LNPEP: variants seen among roughly 807,000 people sequenced by gnomAD.
LNPEP encodes the protein leucyl and cystinyl aminopeptidase.
Under a neutral mutation model 120.6 loss-of-function variants are expected in LNPEP, and 64 were observed. The ratio of observed to expected loss-of-function variants is 0.53; its 90% confidence interval spans 0.43 to 0.65. The LOEUF is 0.65. LNPEP is among the 30% of genes least tolerant of loss of function. LNPEP has a pLI of 0.00. For missense variants in LNPEP, 1,057 were observed against 1,200.0 expected (o/e 0.88, Z 1.76); for synonymous variants, 435 against 425.4 (o/e 1.02, Z -0.28).
intron 8 of LNPEP, among the ~76,000 whole-genome samples, chr5:96,998,870 G>T (rs958788525): frequency 2.6e-5 from 4 of 152,142 alleles, no homozygotes; most frequent in Non-Finnish European, 5.9e-5. Context: ...GAAACTTTTG[G>T]GAGGTAAATG....
intron 1 of LNPEP, among the ~76,000 whole-genome samples, chr5:96,978,765 G>A (rs1790058378): frequency 6.6e-6 from 1 of 152,170 alleles, no homozygotes; most frequent in African/African-American, 2.4e-5. Context: ...TCGCCTGGTG[G>A]GGACAGACAT....
chr5:96,952,584 A>G lies in LNPEP; in HGVS notation c.19+16410A>G, dbSNP rs117892568. ...GGAGGGGAATGTTCTGGCCAGGCAT[A>G]TTTGACTGGCCACATTATCAGATGC... On this transcript the variant is annotated intron_variant, in intron 1 of 17. Coordinates refer to ENST00000231368, the MANE Select transcript of LNPEP (RefSeq NM_005575.3). Among the ~76,000 whole-genome samples the G allele has an allele frequency of 1.2e-4, 19 of 152,290 alleles. No individual in the cohort carries two copies. In the East Asian group the frequency reaches 3.7e-3, roughly 29 times the overall value.
chr5:96,986,433 G>C (rs1453102818), intron 3 of LNPEP, 106 bp from the exon 4 acceptor site: 2 of 1,107,594 alleles, frequency 1.8e-6, no homozygotes, highest in Non-Finnish European at 2.6e-6. Flanking sequence ...TAATATGCTA[G>C]CATCTTTACC....
Position 96,998,107 on chromosome 5 carries a change from C to G in LNPEP, c.1615C>G (p.Gln539Glu). ...PISSSVQSSE[Q>E]IEEMFDSLSY... is the part of the protein sequence containing the mutation. ...ATCATCATCTGTTCAGTCTTCAGAACAAATTGAAGAAATGTTTGATTCTCT... is the reference window on the plus strand; with the variant it reads ...ATCATCATCTGTTCAGTCTTCAGAAGAAATTGAAGAAATGTTTGATTCTCT... The change falls in exon 8 of 18, where the codon CAA becomes GAA. Residue 539 changes from glutamine to glutamate, a missense_variant. Gln to Glu is a conservative substitution (Grantham distance 29). Coordinates refer to ENST00000231368, the MANE Select transcript of LNPEP (RefSeq NM_005575.3). The G allele has an allele frequency of 6.3e-7, 1 of 1,597,014 alleles. No individual in the cohort carries two copies. Among genetic ancestry groups the G allele is most frequent in the Non-Finnish European group, 8.5e-7 (1 of 1,170,050 alleles).
At position 97,034,396 on chromosome 5, in the gene LNPEP, T is replaced by C. The variant is rs1313162906; in HGVS notation, c.*5863T>C. Reference sequence around the variant, plus strand: ...AGTAGAGTAGTTATTTAAGGGATTTTGTTTTTTTGTTTTTTTGTTTTTTTT... The same window carrying C: ...AGTAGAGTAGTTATTTAAGGGATTTCGTTTTTTTGTTTTTTTGTTTTTTTT... On this transcript the variant is annotated 3_prime_UTR_variant, in exon 18 of 18. Transcript: ENST00000231368. 6.7e-6 allele frequency: 1 copy of C among 148,788 alleles called. No individual in the cohort carries two copies. The highest frequency in any genetic ancestry group is 2.6e-5 in the African/African-American group (1 of 39,084). 9.2% of individuals were successfully genotyped at this position (148,788 alleles called of 1,614,324 possible).
chr5:96,975,061 A>G (rs1789957136), intron 1 of LNPEP, among the ~76,000 whole-genome samples: 1 of 152,166 alleles, frequency 6.6e-6, no homozygotes, highest in East Asian at 1.9e-4. Context: ...CCCACGTAAC[A>G]TAATCCTTTT....
chr5:96,954,772 ATTTTTTTTTTTTT>A (rs1160402498), intron 1 of LNPEP, among the ~76,000 whole-genome samples: 2 of 27,110 alleles, frequency 7.4e-5, no homozygotes, highest in African/African-American at 3.0e-4. Context: ...ATATATATAT[ATTTTTTTTTTTTT>A]TTTTTTTTTT....
intron 11 of LNPEP, 143 bp downstream of exon 11, chr5:97,006,658 A>C: frequency 1.6e-6 from 1 of 614,524 alleles, no homozygotes; most frequent in Non-Finnish European, 2.9e-6. Flanking sequence ...GACTAATGTG[A>C]GATTGATTCT....
At chr5:96,994,108 AAC>A (rs1790453620) in intron 6 of LNPEP, 137 bp downstream of exon 6, 2 of 694,964 alleles carry the variant, frequency 2.9e-6, no homozygotes, top group Non-Finnish European at 4.7e-6. Context: ...ATGCTTTTTA[AAC>A]ACAAACTTCA....
chr5:96,964,355 A>T (rs1262289574), intron 1 of LNPEP, among the ~76,000 whole-genome samples: 4 of 151,698 alleles, frequency 2.6e-5, no homozygotes, highest in African/African-American at 9.7e-5. Context: ...TATAAAAATA[A>T]AATATAGATA....
At chr5:96,986,184 T>C (rs945472334) in intron 3 of LNPEP, among the ~76,000 whole-genome samples, 1 of 152,202 alleles carries the variant, frequency 6.6e-6, no homozygotes, top group Non-Finnish European at 1.5e-5. Flanking sequence ...TGGATGTATT[T>C]GTAGCAGTAG....
intron 1 of LNPEP, among the ~76,000 whole-genome samples, chr5:96,972,404 C>A (rs890953788): frequency 5.9e-5 from 9 of 152,186 alleles, no homozygotes; most frequent in Non-Finnish European, 1.2e-4. Flanking sequence ...GCTGGGTTGA[C>A]CTGCCACTAC....
intron 1 of LNPEP, among the ~76,000 whole-genome samples, chr5:96,950,175 A>G (rs142104580): frequency 6.6e-6 from 1 of 152,214 alleles, no homozygotes; most frequent in African/African-American, 2.4e-5. Flanking sequence ...TGTGGAGGGA[A>G]GGAGTCTCTT....
In LNPEP at chr5:96,979,255, A is replaced by G. The variant is rs1457477473; in HGVS notation, c.137A>G (p.Tyr46Cys). The G allele has an allele frequency of 6.2e-6, 10 of 1,613,970 alleles. No individual in the cohort carries two copies. The highest frequency in any genetic ancestry group is 8.5e-6 in the Non-Finnish European group (10 of 1,179,880). Residue 46 changes from tyrosine (Y) to cysteine (C), a missense_variant, in exon 2 of 18, where the codon TAT (tyrosine) becomes TGT (cysteine). By Grantham distance (194) the Tyr-to-Cys change is radical. Transcript: ENST00000231368. The stretch of plus-strand genomic sequence containing the variant: ...CCTCTAGAGCCTGATGAGGTGGAAT[A>G]TGAGCCCCGGGGTTCCCGACTGCTG... ...LHPLEPDEVE[Y>C]EPRGSRLLVR...
chr5:97,022,554 G>T (rs773859099), intron 14 of LNPEP, 70 bp downstream of exon 14: 1 of 1,207,992 alleles, frequency 8.3e-7, no homozygotes, highest in Admixed American at 1.9e-5. Flanking sequence ...AGTATCCAGG[G>T]TATTCTCATC....
At chr5:96,957,160 T>C (rs1789489471) in intron 1 of LNPEP, among the ~76,000 whole-genome samples, 2 of 152,226 alleles carry the variant, frequency 1.3e-5, no homozygotes, top group Non-Finnish European at 1.5e-5. Context: ...CTTGGTCCTT[T>C]GTATTTCAAG....
At chr5:97,003,368 A>C in intron 8 of LNPEP, 47 bp from the exon 9 acceptor site, 1 of 1,098,174 alleles carries the variant, frequency 9.1e-7, no homozygotes, top group Non-Finnish European at 1.3e-6. Flanking sequence ...GATAATCTAT[A>C]GTATTCTATT....
rs2287902 is a variant in LNPEP, at chr5:97,003,131, T to G, written c.1654-284T>G. Among the ~76,000 whole-genome samples, 1,384 of 152,262 alleles carry G rather than the reference T, an allele frequency of 9.1e-3. 31 individuals carry two copies. The highest frequency in any genetic ancestry group is 0.067 in the East Asian group (347 of 5,186). On this transcript the variant is annotated intron_variant, in intron 8 of 17. Coordinates refer to ENST00000231368, the MANE Select transcript of LNPEP (RefSeq NM_005575.3). ...AATACTTAGCTTTTCAACACTAACA[T>G]TGAAACAGTGAGTATACCAATAGAC...
chr5:96,947,991 A>T (rs917249420), intron 1 of LNPEP, among the ~76,000 whole-genome samples: 7 of 151,988 alleles, frequency 4.6e-5, no homozygotes, highest in African/African-American at 1.7e-4. Flanking sequence ...TATTTTTATC[A>T]CCTAGACAGA....
Sources: gnomAD v4.1 joint callset for allele counts (sites outside exome capture counted in the v4.1 genomes callset) on GRCh38, gnomAD v4.1.1 for gene constraint, MANE v1.5 for transcripts, NCBI Gene and HGNC (gene_info 2026-07-23, HGNC 2026-07-21) for gene names.